Variants in TIMM44 observed in about 807,000 individuals in gnomAD.
TIMM44 encodes the protein mitochondrial import inner membrane translocase subunit TIM44.
A neutral mutation model predicts 63.8 loss-of-function variants in TIMM44; 37 were observed. The ratio of observed to expected loss-of-function variants is 0.58; its 90% CI spans 0.45 to 0.76. TIMM44 has a LOEUF of 0.76. Ranked by LOEUF, TIMM44 falls within the 30% of genes least tolerant of loss-of-function variation. TIMM44 has a pLI of 0.00. For missense variants in TIMM44, 573 were observed against 603.8 expected (o/e 0.95, Z 0.54); for synonymous variants, 239 against 245.1 (o/e 0.98, Z 0.23).
At chr19:7,929,115 G>T (rs1343894588) in intron 10 of TIMM44, among the ~76,000 whole-genome samples, 3 of 152,134 alleles carry the variant, frequency 2.0e-5, no homozygotes, top group African/African-American at 7.2e-5. Flanking sequence ...GAAGAAGCCA[G>T]GGGAAAGAAA....
At chr19:7,941,479 G>C (rs575264233) in intron 1 of TIMM44, among the ~76,000 whole-genome samples, 1 of 151,862 alleles carries the variant, frequency 6.6e-6, no homozygotes, top group Non-Finnish European at 1.5e-5. Context: ...GGAGAGAAGC[G>C]GTTTTGCCAT....
In TIMM44 at chr19:7,934,965, G is replaced by T; in HGVS notation, c.393+100C>A. 1 of 1,160,580 alleles carries T rather than the reference G, an allele frequency of 8.6e-7. No homozygotes were observed. Among genetic ancestry groups the T allele is most frequent in the Non-Finnish European group, 1.3e-6 (1 of 794,040 alleles). The allele number at this position is 1,160,580 out of a possible 1,614,324, so 71.9% of individuals were successfully genotyped here. On this transcript the variant is annotated intron_variant, in intron 4 of 12. Coordinates refer to ENST00000270538, the MANE Select transcript of TIMM44 (RefSeq NM_006351.4). This position sits in a 1 kb window ranked among gnomAD's most constrained non-coding sequence, Gnocchi z 5.3. ...AGCACGCCCCATGCCACCCACTGCT[G>T]CCAAGCCACCCCCACCCAGGAGCCG...
In TIMM44 at chr19:7,941,192, G is replaced by A. The variant is rs982158285; in HGVS notation, c.51C>T (p.Cys17=). 1.2e-6 allele frequency: 2 copies of A among 1,613,122 alleles called. No homozygotes were observed. Among genetic ancestry groups the A allele is most frequent in the African/African-American group, 1.3e-5 (1 of 74,890 alleles). ...AAAGAAATTGGATTCCACTGCCGAG[G>A]CATCTCTAATTGGGGGGAGAGAAGA... ...RSGWCRCPRR[C]LGSGIQFLSS... Residue 17 remains cysteine, a synonymous_variant, in exon 2 of 13, where the codon TGC becomes TGT. Transcript: ENST00000270538.
At chr19:7,941,279 G>GTGACCCTGCT in intron 1 of TIMM44, 82 bp from the exon 2 acceptor site, 1 of 1,115,114 alleles carries the variant, frequency 9.0e-7, no homozygotes. Context: ...AAAACAGCAG[G>GTGACCCTGCT]GTCACCTGCA....
At chr19:7,927,570 T>C in intron 12 of TIMM44, 87 bp downstream of exon 12, 1 of 1,369,182 alleles carries the variant, frequency 7.3e-7, no homozygotes, top group Non-Finnish European at 1.0e-6. Flanking sequence ...TTCAGGGCTC[T>C]GAGCTGGGGT....
At chr19:7,928,782 G>C (rs980713697) in intron 10 of TIMM44, 1 of 152,014 alleles carries the variant, frequency 6.6e-6, no homozygotes, top group Non-Finnish European at 1.5e-5. Flanking sequence ...CTACTTGTTC[G>C]GTTTCTTAAA....
At position 7,934,443 on chromosome 19, in the gene TIMM44, C is replaced by T. The variant is rs1241890782; in HGVS notation, c.394-205G>A. The stretch of plus-strand genomic sequence containing the variant: ...AGAGCCACGAGCACACCGCCACCCC[C>T]AGAGCCACGAGCACACCGGCACCCC... On this transcript the variant is annotated intron_variant, in intron 4 of 12. Transcript: ENST00000270538. The surrounding 1 kb of genome is among the most constrained non-coding windows in gnomAD (Gnocchi z 5.3). 6.6e-6 allele frequency among the ~76,000 whole-genome samples: 1 copy of T among 150,666 alleles called. No individual in the cohort carries two copies. The highest frequency in any genetic ancestry group is 1.5e-5 in the Non-Finnish European group (1 of 67,552).
At chr19:7,927,896 C>G (rs933888805) in intron 11 of TIMM44, 129 bp from the exon 12 acceptor site, 1 of 1,137,718 alleles carries the variant, frequency 8.8e-7, no homozygotes, top group South Asian at 1.3e-5. Context: ...GGTCCCTCCC[C>G]GTGGGCCTTG....
Position 7,932,831 on chromosome 19 carries a change from C to T in TIMM44, c.862+9G>A. 6.2e-7 allele frequency: 1 copy of T among 1,614,186 alleles called. No individual in the cohort carries two copies. Among genetic ancestry groups the T allele is most frequent in the Non-Finnish European group, 8.5e-7 (1 of 1,180,012 alleles). On this transcript the variant is annotated intron_variant, in intron 8 of 12. Transcript: ENST00000270538. Reference sequence around the variant, plus strand: ...ACCAGCCTGCGAGGTCCAGGGATGACTCACTCACCCAGCAAGTCGGTGACC... The same window carrying T: ...ACCAGCCTGCGAGGTCCAGGGATGATTCACTCACCCAGCAAGTCGGTGACC...
At position 7,927,266 on chromosome 19, in the gene TIMM44, C is replaced by T. The variant is rs761440242; in HGVS notation, c.1280G>A (p.Arg427Gln). 1.9e-6 allele frequency: 3 copies of T among 1,611,962 alleles called. No homozygotes were observed. Among genetic ancestry groups the T allele is most frequent in the Non-Finnish European group, 2.5e-6 (3 of 1,179,956 alleles). ...GTAGGGGTTGAGCTCGTCCTGGTCTCGGCAGAGCGCCCACACGTACAGCAT... is the reference window on the plus strand; with the variant it reads ...GTAGGGGTTGAGCTCGTCCTGGTCTTGGCAGAGCGCCCACACGTACAGCAT... ...LRMLYVWALC[R>Q]DQDELNPYAA... The change falls in exon 13 of 13, where the codon CGA becomes CAA. Residue 427 changes from arginine (R) to glutamine (Q), a missense_variant. By Grantham distance (43) the Arg-to-Gln change is conservative. Coordinates refer to ENST00000270538, the MANE Select transcript of TIMM44 (RefSeq NM_006351.4).
At chr19:7,935,276 C>T in intron 3 of TIMM44, 131 bp from the exon 4 acceptor site, 1 of 815,726 alleles carries the variant, frequency 1.2e-6, no homozygotes, top group South Asian at 1.5e-5. Context: ...AGCGATTTTC[C>T]TGCCCCAGCC....
Position 7,932,755 on chromosome 19 carries a change from C to T in TIMM44, c.863-4G>A, listed in dbSNP as rs1204073463. The T allele has an allele frequency of 6.2e-7, 1 of 1,614,100 alleles. No homozygotes were observed. The highest frequency in any genetic ancestry group is 2.2e-5 in the East Asian group (1 of 44,880). ...TCTGTCTTGGAGAACAGGCCCCCTG[C>T]AGGGAGCAGAGCCGGGAGTTCGGGG... On this transcript the variant is annotated splice_region_variant and splice_polypyrimidine_tract_variant and intron_variant, in intron 8 of 12. Transcript: ENST00000270538.
At chr19:7,937,772 C>G in intron 3 of TIMM44, 1 of 445,528 alleles carries the variant, frequency 2.2e-6, no homozygotes, top group South Asian at 2.1e-5. Context: ...AATCCCAGCA[C>G]TTTGGAAGGC....
Position 7,928,021 on chromosome 19 carries a change from T to A in TIMM44, c.1128+56A>T. 7 of 1,533,200 alleles carry A rather than the reference T, an allele frequency of 4.6e-6. No individual in the cohort carries two copies. The South Asian group carries it at 6.9e-5, about 15-fold the overall frequency. The allele number at this position is 1,533,200 out of a possible 1,614,324, so 95.0% of individuals were successfully genotyped here. ...GCAAGGCCACCTCCTGGGCCTTGTC[T>A]GGGCCATAGTTCCCACCCCCGATGG... On this transcript the variant is annotated intron_variant, in intron 11 of 12. Transcript: ENST00000270538.
chr19:7,929,166 TGAG>T (rs1416735892), intron 10 of TIMM44, among the ~76,000 whole-genome samples: 4 of 152,002 alleles, frequency 2.6e-5, no homozygotes, highest in South Asian at 2.1e-4. Flanking sequence ...TGAGGTGGCC[TGAG>T]GAGATGAGAG....
chr19:7,932,895 G>A lies in TIMM44; in HGVS notation c.807C>T (p.Asp269=). The A allele has an allele frequency of 1.9e-6, 3 of 1,614,214 alleles. No individual in the cohort carries two copies. Among genetic ancestry groups the A allele is most frequent in the Non-Finnish European group, 2.5e-6 (3 of 1,180,022 alleles). Residue 269 remains aspartate, a synonymous_variant, in exon 8 of 13, where the codon GAC becomes GAT. Transcript: ENST00000270538. ...FEMKMKYDES[D]NAFIRASRAL... Reference sequence around the variant, plus strand: ...CCCGGGATGCCCGGATGAACGCGTTGTCGCTTTCGTCATACTTCATCTTCA... The same window carrying A: ...CCCGGGATGCCCGGATGAACGCGTTATCGCTTTCGTCATACTTCATCTTCA...
chr19:7,941,307 T>C, intron 1 of TIMM44, 110 bp from the exon 2 acceptor site: 2 of 840,778 alleles, frequency 2.4e-6, no homozygotes, highest in Non-Finnish European at 4.0e-6. Context: ...GGCCATTTTT[T>C]TTTTTTTTTT....
chr19:7,928,071 G>C lies in TIMM44; in HGVS notation c.1128+6C>G, dbSNP rs1983867329. 1 of 1,612,926 alleles carries C rather than the reference G, an allele frequency of 6.2e-7. No homozygotes were observed. The highest frequency in any genetic ancestry group is 8.5e-7 in the Non-Finnish European group (1 of 1,179,348). On this transcript the variant is annotated splice_donor_region_variant and intron_variant, in intron 11 of 12. Coordinates refer to ENST00000270538, the MANE Select transcript of TIMM44 (RefSeq NM_006351.4). ...GTGGCCCGGGCCCCCACTGCGAGGT[G>C]CTTACGTCGACGTTGTCAATGTCTA...
At position 7,933,667 on chromosome 19, in the gene TIMM44, A is replaced by C; in HGVS notation, c.684-97T>G. 1 of 1,315,014 alleles carries C rather than the reference A, an allele frequency of 7.6e-7. No homozygotes were observed. The highest frequency in any genetic ancestry group is 2.3e-5 in the East Asian group (1 of 43,370). The allele number at this position is 1,315,014 out of a possible 1,614,324, so 81.5% of individuals were successfully genotyped here. Reference sequence around the variant, plus strand: ...CAGGGGGCAGTACAGGACAGCAGGCAGCTGAGACCTCAAACCTAGGGGCTC... The same window carrying C: ...CAGGGGGCAGTACAGGACAGCAGGCCGCTGAGACCTCAAACCTAGGGGCTC... On this transcript the variant is annotated intron_variant, in intron 6 of 12. Coordinates refer to ENST00000270538, the MANE Select transcript of TIMM44 (RefSeq NM_006351.4). This position sits in a 1 kb window ranked among gnomAD's most constrained non-coding sequence, Gnocchi z 4.3.
Sources: gnomAD v4.1 joint callset for allele counts (sites outside exome capture counted in the v4.1 genomes callset) on GRCh38, gnomAD v4.1.1 for gene constraint, Gnocchi (gnomAD v3.1) non-coding constraint, MANE v1.5 for transcripts, NCBI Gene and HGNC (gene_info 2026-07-23, HGNC 2026-07-21) for gene names.